USP6: variants seen among roughly 807,000 people sequenced by gnomAD.
USP6 encodes the protein ubiquitin specific peptidase 6.
In USP6, 128 loss-of-function variants were observed where a neutral mutation model predicts 175.7. That is an observed-to-expected ratio of 0.73 (90% CI 0.63 to 0.84). The LOEUF is 0.84. Among genes scored for constraint, USP6 ranks in the 40% least tolerant of loss-of-function variants. The pLI, the probability that USP6 is intolerant of heterozygous loss-of-function variation, is 0.00. For synonymous variants in USP6, 562 were observed against 630.6 expected (o/e 0.89, Z 1.63); for missense variants, 1,498 against 1,760.3 (o/e 0.85, Z 2.67).
intron 30 of USP6, among the ~76,000 whole-genome samples, chr17:5,150,876 A>G (rs1354138767): frequency 6.6e-6 from 1 of 152,144 alleles, no homozygotes; most frequent in Non-Finnish European, 1.5e-5. Context: ...CAAAGGTTCT[A>G]GGAGAGAATG....
chr17:5,137,321 A>T (rs1442606925), intron 19 of USP6, 135 bp downstream of exon 19: 1 of 1,184,068 alleles, frequency 8.4e-7, no homozygotes, highest in Non-Finnish European at 1.2e-6. Flanking sequence ...CACAAGCAAA[A>T]CCCTCTGCCC....
chr17:5,116,863 C>G (rs989421431), intron 1 of USP6, 123 bp downstream of exon 1: 1 of 152,144 alleles, frequency 6.6e-6, no homozygotes, highest in African/African-American at 2.4e-5. Context: ...ATCACGGTAC[C>G]CAACACATAG....
intron 25 of USP6, among the ~76,000 whole-genome samples, chr17:5,143,598 C>T (rs1243854945): frequency 6.6e-6 from 1 of 151,836 alleles, no homozygotes; most frequent in African/African-American, 2.4e-5. Context: ...ATCTCAAGTA[C>T]CCAGGGACAC....
rs926850864 is a variant in USP6, at chr17:5,174,814, CTTG to C, written c.*1840_*1842del. 6 of 195,530 alleles carry C rather than the reference CTTG, an allele frequency of 3.1e-5. No homozygotes were observed. Among genetic ancestry groups the C allele is most frequent in the African/African-American group, 9.2e-5 (4 of 43,296 alleles). The allele number at this position is 195,530 out of a possible 1,614,324, so 12.1% of individuals were successfully genotyped here. A position where few individuals can be genotyped will look rare whatever the true frequency, so the allele number is the denominator to read the frequency against. ...TCACCTTGTAAATTACTGTATAAAA[CTTG>C]TTGACAATGCACTGACTTTAGAAAG... On this transcript the variant is annotated 3_prime_UTR_variant, in exon 38 of 38. Coordinates refer to ENST00000574788, the MANE Select transcript of USP6 (RefSeq NM_001304284.2).
intron 31 of USP6, among the ~76,000 whole-genome samples, chr17:5,155,880 T>A (rs1395068493): frequency 6.6e-6 from 1 of 152,212 alleles, no homozygotes; most frequent in African/African-American, 2.4e-5. Flanking sequence ...TGTCTAATAA[T>A]CCTTCCATTC....
intron 4 of USP6, among the ~76,000 whole-genome samples, chr17:5,123,993 CAA>C (rs2072807170): frequency 2.6e-5 from 4 of 152,170 alleles, no homozygotes; most frequent in Admixed American, 2.0e-4. Flanking sequence ...GGACCCCTAA[CAA>C]GACGCACAAA....
At position 5,138,216 on chromosome 17, in the gene USP6, C is replaced by T. The variant is rs971103731; in HGVS notation, c.1021C>T (p.His341Tyr). 6.2e-7 allele frequency: 1 copy of T among 1,613,968 alleles called. No homozygotes were observed. The highest frequency in any genetic ancestry group is 1.3e-5 in the African/African-American group (1 of 74,900). ...CATGAACGATGACACCGTGCTCAAG[C>T]ATCTTAGGGCCTCTACGAAGAAACT... is the stretch of plus-strand genomic sequence containing the variant. ...WAMNDDTVLK[H>Y]LRASTKKLTR... The change falls in exon 21 of 38, where the codon CAT (histidine) becomes TAT (tyrosine). Residue 341 changes from histidine (H) to tyrosine (Y), a missense_variant. Coordinates refer to ENST00000574788, the MANE Select transcript of USP6 (RefSeq NM_001304284.2).
intron 30 of USP6, among the ~76,000 whole-genome samples, chr17:5,154,423 A>T (rs896478523): frequency 2.0e-5 from 3 of 152,238 alleles, no homozygotes; most frequent in African/African-American, 7.2e-5. Context: ...TTTATTAAAC[A>T]GCCATTTCCA....
intron 1 of USP6, among the ~76,000 whole-genome samples, chr17:5,117,200 G>A (rs960838118): frequency 1.3e-5 from 2 of 152,154 alleles, no homozygotes; most frequent in African/African-American, 2.4e-5. Context: ...CTGCTTTGTA[G>A]CACCCGCTGC....
intron 1 of USP6, among the ~76,000 whole-genome samples, chr17:5,117,244 G>A (rs375935042): frequency 2.0e-5 from 3 of 152,196 alleles, no homozygotes; most frequent in African/African-American, 7.2e-5. Context: ...AAGCCTGGGC[G>A]AGGGGGCTCA....
intron 22 of USP6, 96 bp downstream of exon 22, chr17:5,139,770 T>A: frequency 6.3e-7 from 1 of 1,595,998 alleles, no homozygotes; most frequent in Non-Finnish European, 8.5e-7. Flanking sequence ...GATACCTCCT[T>A]TGCAGCTAGG....
At position 5,161,593 on chromosome 17, in the gene USP6, G is replaced by A. The variant is rs770295987; in HGVS notation, c.2894G>A (p.Cys965Tyr). The change falls in exon 32 of 38, where the codon TGT (cysteine) becomes TAT (tyrosine). Residue 965 changes from cysteine (C) to tyrosine (Y), a missense_variant. This residue lies in a region of USP6 where 1,217 missense variants were observed against 1,500.8 expected (regional missense o/e 0.81). Transcript: ENST00000574788. ...GTTGTGCAGAAAGATGGGAACTCCTGTGCTTGGTGCCCACAGTATAGGTAA... is the reference window on the plus strand; with the variant it reads ...GTTGTGCAGAAAGATGGGAACTCCTATGCTTGGTGCCCACAGTATAGGTAA... ...LRVVQKDGNS[C>Y]AWCPQYRFCR... The A allele has an allele frequency of 6.2e-7, 1 of 1,614,022 alleles. No homozygotes were observed. Among genetic ancestry groups the A allele is most frequent in the South Asian group, 1.1e-5 (1 of 91,082 alleles).
intron 15 of USP6, chr17:5,134,999 A>G (rs1293862256): frequency 4.2e-6 from 2 of 471,920 alleles, no homozygotes; most frequent in African/African-American, 4.0e-5. Context: ...AAAAGAAAAA[A>G]AAAATCATTC....
intron 15 of USP6, chr17:5,134,466 T>G: frequency 4.9e-6 from 1 of 202,626 alleles, no homozygotes; most frequent in African/African-American, 2.3e-5. Context: ...CTCAGTGGAC[T>G]TGAACCACAC....
In USP6 at chr17:5,121,540, C is replaced by T. The variant is rs931383018; in HGVS notation, c.-1509C>T. ...CTGTACCTATCACCCCAGGGTGAGCCCAGCCTTATAGACCCCTGCTTGGAG... is the reference window on the plus strand; with the variant it reads ...CTGTACCTATCACCCCAGGGTGAGCTCAGCCTTATAGACCCCTGCTTGGAG... On this transcript the variant is annotated 5_prime_UTR_variant, in exon 4 of 38. Coordinates refer to ENST00000574788, the MANE Select transcript of USP6 (RefSeq NM_001304284.2). 2.2e-5 allele frequency: 4 copies of T among 181,852 alleles called. No homozygotes were observed. The highest frequency in any genetic ancestry group is 4.6e-5 in the Non-Finnish European group (4 of 86,698). The allele number at this position is 181,852 out of a possible 1,614,324, so 11.3% of individuals were successfully genotyped here. A position where few individuals can be genotyped will look rare whatever the true frequency, so the allele number is the denominator to read the frequency against.
chr17:5,137,116 A>G lies in USP6; in HGVS notation c.760-5A>G, dbSNP rs370755821. On this transcript the variant is annotated splice_polypyrimidine_tract_variant and splice_region_variant and intron_variant, in intron 18 of 37. Transcript: ENST00000574788. ...GGCCCTGAGCACCTCTGTTCATCCC[A>G]TCAGGACAAGGAAGGTCTATGCGGG... The G allele has an allele frequency of 9.1e-5, 147 of 1,613,342 alleles. No individual in the cohort carries two copies. Among genetic ancestry groups the G allele is most frequent in the Non-Finnish European group, 1.1e-4 (130 of 1,179,586 alleles).
At chr17:5,138,323 A>G (rs774656503) in intron 21 of USP6, 50 bp downstream of exon 21, 49 of 1,609,420 alleles carry the variant, frequency 3.0e-5, no homozygotes, top group African/African-American at 1.1e-4. Flanking sequence ...GGGGCAGTCA[A>G]TAGTGGGCGG....
chr17:5,123,802 G>A (rs1454351068), intron 4 of USP6, among the ~76,000 whole-genome samples: 1 of 151,146 alleles, frequency 6.6e-6, no homozygotes, highest in Non-Finnish European at 1.5e-5. Context: ...ACACCTGTAG[G>A]ACACACACAC....
intron 29 of USP6, among the ~76,000 whole-genome samples, chr17:5,148,104 C>T (rs533289814): frequency 3.9e-5 from 6 of 152,224 alleles, no homozygotes; most frequent in African/African-American, 1.4e-4. Context: ...GTCACTAGCT[C>T]CTGGGCTCAA....
Sources: allele counts gnomAD v4.1 joint callset (sites outside exome capture counted in the v4.1 genomes callset), GRCh38; gene constraint gnomAD v4.1.1; regional missense constraint gnomAD v4.1.1; transcripts MANE v1.5; gene names NCBI Gene and HGNC (gene_info 2026-07-23, HGNC 2026-07-21).